DEFB119: variants seen among roughly 807,000 people sequenced by gnomAD.
DEFB119 encodes beta-defensin 119.
DEFB119 carries 3 observed loss-of-function variants against 2.5 expected under a neutral mutation model. The observed-to-expected ratio is 1.19, with a 90% CI of 0.54 to 3.07. The LOEUF is 3.07. Among genes scored for constraint, DEFB119 ranks in the 30% most tolerant of loss-of-function variants. The pLI is 0.03. For synonymous variants in DEFB119, 29 were observed against 33.7 expected (o/e 0.86, Z 0.48); for missense variants, 113 against 101.1 (o/e 1.12, Z -0.50).
At chr20:31,379,164 CT>C in intron 1 of DEFB119, among the ~76,000 whole-genome samples, 1 of 152,206 alleles carries the variant, frequency 6.6e-6, no homozygotes, top group East Asian at 1.9e-4. Flanking sequence ...TCTCAAACTC[CT>C]GACCTCAAGT....
rs201134503 is a variant in DEFB119, at chr20:31,378,404, A to G, written c.62-965T>C. ...GTCCTCACCAGAGCTGTATCAGAGG[A>G]GACAAGCCAACAAAGATCATTGAAA... On this transcript the variant is annotated intron_variant, in intron 1 of 1. Coordinates refer to ENST00000376321, the MANE Select transcript of DEFB119 (RefSeq NM_153289.4). 3,033 of 1,614,052 alleles carry G rather than the reference A, an allele frequency of 1.9e-3. 5 individuals carry two copies. The highest frequency in any genetic ancestry group is 2.4e-3 in the Non-Finnish European group (2,789 of 1,179,980).
At chr20:31,389,353 G>A (rs2295500) in intron 1 of DEFB119, 642,709 of 1,226,546 alleles carry the variant, frequency 0.52, 175,104 homozygotes, top group East Asian at 0.73. Flanking sequence ...AGTGAGTAAT[G>A]CCAGACCCAG....
At position 31,386,810 on chromosome 20, in the gene DEFB119, C is replaced by T. The variant is rs375939669; in HGVS notation, c.61+3613G>A. Among the ~76,000 whole-genome samples the T allele has an allele frequency of 9.2e-5, 10 of 108,886 alleles. No homozygotes were observed. In the South Asian group the frequency reaches 1.5e-3, roughly 16 times the overall value. The allele number at this position is 108,886 out of a possible 152,430, so 71.4% of individuals were successfully genotyped here. On this transcript the variant is annotated intron_variant, in intron 1 of 1. Transcript: ENST00000376321. ...GTATTTTCTTTTTCTTTTTCTTTTT[C>T]TTTTTTTTTTTTTTTTTTTTTGAGA...
intron 1 of DEFB119, chr20:31,389,358 AC>A: frequency 1.7e-6 from 2 of 1,147,162 alleles, no homozygotes; most frequent in Non-Finnish European, 1.2e-6. Context: ...GTAATGCCAG[AC>A]CCAGTCCCAG....
chr20:31,386,724 G>A, intron 1 of DEFB119, among the ~76,000 whole-genome samples: 1 of 151,912 alleles, frequency 6.6e-6, no homozygotes, highest in South Asian at 2.1e-4. Context: ...CTAGATAGGA[G>A]GAATAAGTTC....
chr20:31,381,714 G>A (rs1034273833), intron 1 of DEFB119, among the ~76,000 whole-genome samples: 3 of 152,174 alleles, frequency 2.0e-5, no homozygotes, highest in Admixed American at 6.5e-5. Flanking sequence ...GGGAGGCTGA[G>A]GTGGGAGGAT....
rs925945100 is a variant in DEFB119, at chr20:31,378,528, G to GA, written c.62-1090dup. 221 of 1,369,152 alleles carry GA rather than the reference G, an allele frequency of 1.6e-4. 2 individuals carry two copies. The highest frequency in any genetic ancestry group is 4.5e-4 in the South Asian group (32 of 70,576). 84.8% of individuals were successfully genotyped at this position (1,369,152 alleles called of 1,614,324 possible). ...GAACCAGGAAAATCTTAACTTTAAT[G>GA]AAAAAAAAGACAATCAACAGAACTG... On this transcript the variant is annotated intron_variant, in intron 1 of 1. Transcript: ENST00000376321.
chr20:31,389,014 C>A (rs781542518), intron 1 of DEFB119: 7 of 1,612,696 alleles, frequency 4.3e-6, no homozygotes, highest in Admixed American at 1.7e-5. Context: ...CAACCTGAAA[C>A]AAAGTCATTT....
intron 1 of DEFB119, chr20:31,388,922 C>T: frequency 6.6e-7 from 1 of 1,525,946 alleles, no homozygotes; most frequent in Non-Finnish European, 8.8e-7. Context: ...CCCCCACCCT[C>T]AATCCATTTG....
At position 31,390,562 on chromosome 20, in the gene DEFB119, G is replaced by T. The variant is rs111508740; in HGVS notation, c.-79C>A. 4 of 1,413,426 alleles carry T rather than the reference G, an allele frequency of 2.8e-6. No individual in the cohort carries two copies. The allele number at this position is 1,413,426 out of a possible 1,614,324, so 87.6% of individuals were successfully genotyped here. ...GTTCCCTGCAGCACGGCAGAGATGA[G>T]CTTTGCTTTTATCAGCAGGGCTGTG... On this transcript the variant is annotated 5_prime_UTR_variant, in exon 1 of 2. Transcript: ENST00000376321.
intron 1 of DEFB119, chr20:31,389,133 A>G (rs1235706053): frequency 2.5e-6 from 4 of 1,614,086 alleles, no homozygotes; most frequent in Non-Finnish European, 3.4e-6. Context: ...TTAAATAACG[A>G]CTAGGAACAC....
intron 1 of DEFB119, among the ~76,000 whole-genome samples, chr20:31,377,729 C>A (rs1297239782): frequency 6.6e-6 from 1 of 152,134 alleles, no homozygotes; most frequent in Non-Finnish European, 1.5e-5. Flanking sequence ...AGGAAGGACA[C>A]AGCCATGAAT....
intron 1 of DEFB119, among the ~76,000 whole-genome samples, chr20:31,389,567 G>A (rs539413923): frequency 9.9e-5 from 15 of 152,060 alleles, no homozygotes; most frequent in South Asian, 2.1e-4. Context: ...AAGGGAAAAG[G>A]ACATGATCAC....
intron 1 of DEFB119, among the ~76,000 whole-genome samples, chr20:31,380,928 G>T (rs1327343058): frequency 6.6e-6 from 1 of 151,944 alleles, no homozygotes; most frequent in African/African-American, 2.4e-5. Context: ...TTCTCTTCAG[G>T]CAGGGTATAG....
At chr20:31,390,000 A>G (rs1243476581) in intron 1 of DEFB119, among the ~76,000 whole-genome samples, 1 of 151,626 alleles carries the variant, frequency 6.6e-6, no homozygotes, top group Non-Finnish European at 1.5e-5. Context: ...CCTGTCTCCA[A>G]CTCTGCCCTA....
At chr20:31,388,062 A>G (rs1021333147) in intron 1 of DEFB119, 7 of 985,398 alleles carry the variant, frequency 7.1e-6, no homozygotes, top group Non-Finnish European at 8.4e-6. Flanking sequence ...GTGAAAAACT[A>G]ACTGTGTTGG....
chr20:31,387,238 C>G (rs1195920003), intron 1 of DEFB119, among the ~76,000 whole-genome samples: 1 of 152,124 alleles, frequency 6.6e-6, no homozygotes, highest in Non-Finnish European at 1.5e-5. Flanking sequence ...GTTTATTGAA[C>G]TATCACACTG....
chr20:31,386,423 T>C (rs1311418859), intron 1 of DEFB119, among the ~76,000 whole-genome samples: 1 of 151,976 alleles, frequency 6.6e-6, no homozygotes, highest in Non-Finnish European at 1.5e-5. Context: ...AACCTAAGTA[T>C]GCATCAACAG....
chr20:31,389,347 AG>A, intron 1 of DEFB119: 1 of 1,324,254 alleles, frequency 7.6e-7, no homozygotes, highest in Non-Finnish European at 1.1e-6. Context: ...CAGCTGAGTG[AG>A]TAATGCCAGA....
Sources: gnomAD v4.1 joint callset for allele counts (sites outside exome capture counted in the v4.1 genomes callset) on GRCh38, gnomAD v4.1.1 for gene constraint, MANE v1.5 for transcripts, NCBI Gene and HGNC (gene_info 2026-07-23, HGNC 2026-07-21) for gene names.